CHN2: variants seen among roughly 807,000 people sequenced by gnomAD.
CHN2 encodes beta-chimaerin.
In CHN2, 35 loss-of-function variants were observed where a neutral mutation model predicts 56.3. The ratio of observed to expected loss-of-function variants is 0.62; its 90% CI spans 0.47 to 0.82. The LOEUF is 0.82. Ranked by LOEUF, CHN2 falls within the 40% of genes least tolerant of loss-of-function variation. The pLI is 0.00. For missense variants in CHN2, 491 were observed against 580.5 expected (o/e 0.85, Z 1.58); for synonymous variants, 210 against 212.8 (o/e 0.99, Z 0.12).
chr7:29,153,771 T>C (rs138800252), intron 2 of CHN2, among the ~76,000 whole-genome samples: 8,906 of 152,096 alleles, frequency 0.059, 283 homozygotes, highest in Middle Eastern at 0.12. Context: ...GGTTTCACCA[T>C]GTTGGCCAGG....
chr7:29,487,908 C>G (rs765862046), intron 7 of CHN2, among the ~76,000 whole-genome samples: 1 of 152,156 alleles, frequency 6.6e-6, no homozygotes, highest in Non-Finnish European at 1.5e-5. Flanking sequence ...GGGAGCCACT[C>G]GAGGTTTTTG....
At chr7:29,190,828 T>C (rs951267377), upstream of CHN2, among the ~76,000 whole-genome samples, 8 of 152,194 alleles carry the variant, frequency 5.3e-5, no homozygotes, top group African/African-American at 1.7e-4. Flanking sequence ...AATTTGCTCA[T>C]TTACTCAATG....
chr7:29,504,792 T>G lies in CHN2; in HGVS notation c.962T>G (p.Ile321Ser). 1.2e-6 allele frequency: 2 copies of G among 1,613,408 alleles called. No homozygotes were observed. Among genetic ancestry groups the G allele is most frequent in the Non-Finnish European group, 1.7e-6 (2 of 1,179,658 alleles). ...AGAGTCTCTGGGTTCACTGAACACA[T>G]TGAAGATGTCAAAATGGCATTTGAC... ...LYRVSGFTEH[I>S]EDVKMAFDRD... Residue 321 changes from isoleucine to serine, a missense_variant, in exon 10 of 13, where the codon ATT becomes AGT. By Grantham distance (142) the Ile-to-Ser change is moderately radical. Coordinates refer to ENST00000222792, the MANE Select transcript of CHN2 (RefSeq NM_004067.4).
In CHN2 at chr7:29,494,950, T is replaced by TAAAAAAAAAAAAAAAAAAAA. The variant is rs5883217; in HGVS notation, c.655-990_655-971dup. ...TTTTTTGTTAAATAAAAGCAGTTTG[T>TAAAAAAAAAAAAAAAAAAAA]AAAAAAAAAAAAAAAAAAAAAAAAA... On this transcript the variant is annotated intron_variant, in intron 7 of 12. Transcript: ENST00000222792. Among the ~76,000 whole-genome samples the TAAAAAAAAAAAAAAAAAAAA allele has an allele frequency of 2.2e-4, 14 of 64,652 alleles. 1 individual carries two copies. Among genetic ancestry groups the TAAAAAAAAAAAAAAAAAAAA allele is most frequent in the Non-Finnish European group, 2.8e-4 (10 of 35,348 alleles). 42.4% of individuals were successfully genotyped at this position (64,652 alleles called of 152,430 possible). A position where few individuals can be genotyped will look rare whatever the true frequency, so the allele number is the denominator to read the frequency against.
intron 1 of CHN2, among the ~76,000 whole-genome samples, chr7:29,301,275 T>G (rs1793631370): frequency 6.6e-6 from 1 of 151,954 alleles, no homozygotes; most frequent in Non-Finnish European, 1.5e-5. Context: ...CCTACTTTCT[T>G]CTATAGAATG....
intron 1 of CHN2, chr7:29,198,110 G>C: frequency 4.4e-6 from 2 of 451,534 alleles, no homozygotes; most frequent in Non-Finnish European, 8.9e-6. Context: ...TTTTCTTTCT[G>C]TTCAGGTAGC....
At chr7:29,445,931 C>G (rs1783999664) in intron 6 of CHN2, among the ~76,000 whole-genome samples, 1 of 151,994 alleles carries the variant, frequency 6.6e-6, no homozygotes, top group Non-Finnish European at 1.5e-5. Context: ...AGATTCTTGC[C>G]TTACTGTGGA....
intron 1 of CHN2, among the ~76,000 whole-genome samples, chr7:29,334,139 C>T (rs1796439651): frequency 6.7e-6 from 1 of 149,974 alleles, no homozygotes; most frequent in Admixed American, 6.7e-5. Flanking sequence ...GCAACCTCTG[C>T]CTCCCGGTTC....
intron 2 of CHN2, among the ~76,000 whole-genome samples, chr7:29,151,437 G>A (rs987532721): frequency 2.0e-5 from 3 of 152,236 alleles, no homozygotes; most frequent in African/African-American, 2.4e-5. Flanking sequence ...AAAAAGCCAG[G>A]CAAATAAGAC....
intron 1 of CHN2, among the ~76,000 whole-genome samples, chr7:29,261,455 C>T (rs114686848): frequency 4.7e-4 from 71 of 152,292 alleles, no homozygotes; most frequent in African/African-American, 1.7e-3. Flanking sequence ...GGTGTTCCTT[C>T]TTAGAACCTT....
At chr7:29,352,966 C>T (rs992656137) in intron 1 of CHN2, among the ~76,000 whole-genome samples, 1 of 152,178 alleles carries the variant, frequency 6.6e-6, no homozygotes, top group South Asian at 2.1e-4. Flanking sequence ...TATTATAAGA[C>T]ACTGTTCTCT....
chr7:29,181,567 T>C (rs1008830115), intron 2 of CHN2, among the ~76,000 whole-genome samples: 1 of 152,220 alleles, frequency 6.6e-6, no homozygotes, highest in African/African-American at 2.4e-5. Flanking sequence ...AAAGGAATTT[T>C]ATATTGCCAT....
In CHN2 at chr7:29,487,299, A is replaced by C. The variant is rs927735730; in HGVS notation, c.654+6943A>C. Among the ~76,000 whole-genome samples, 13 of 152,318 alleles carry C rather than the reference A, an allele frequency of 8.5e-5. No individual in the cohort carries two copies. In the South Asian group the frequency reaches 2.3e-3, roughly 27 times the overall value. On this transcript the variant is annotated intron_variant, in intron 7 of 12. Coordinates refer to ENST00000222792, the MANE Select transcript of CHN2 (RefSeq NM_004067.4). ...AAACAAGTCTGGAAAGAAAATTCAA[A>C]ACAAAGGCAAAACTCATCACCTTAA... is the stretch of plus-strand genomic sequence containing the variant.
chr7:29,421,180 A>T (rs774458925), intron 6 of CHN2, among the ~76,000 whole-genome samples: 1 of 152,332 alleles, frequency 6.6e-6, no homozygotes, highest in South Asian at 2.1e-4. Context: ...TGTACTTTCA[A>T]TGAAGGTCAA....
intron 7 of CHN2, among the ~76,000 whole-genome samples, chr7:29,482,525 C>A (rs1446685243): frequency 6.6e-6 from 1 of 152,152 alleles, no homozygotes; most frequent in East Asian, 1.9e-4. Context: ...TAGGGACAAG[C>A]CACTGAACTG....
At chr7:29,481,851 A>G (rs1033865243) in intron 7 of CHN2, among the ~76,000 whole-genome samples, 2 of 151,932 alleles carry the variant, frequency 1.3e-5, no homozygotes, top group African/African-American at 4.8e-5. Flanking sequence ...ATTCCAATTC[A>G]TTTGGCGTTA....
chr7:29,226,743 A>T (rs779642247), intron 1 of CHN2, among the ~76,000 whole-genome samples: 7 of 152,214 alleles, frequency 4.6e-5, no homozygotes, highest in Non-Finnish European at 8.8e-5. Context: ...TTTTGCTCTT[A>T]ATGTCTTCCA....
chr7:29,476,335 G>GA (rs34314826), intron 6 of CHN2, among the ~76,000 whole-genome samples: 83,569 of 151,760 alleles, frequency 0.55, 23,384 homozygotes, highest in Non-Finnish European at 0.61. Context: ...TCAGGAGTTT[G>GA]AAACCAGCCT....
intron 1 of CHN2, among the ~76,000 whole-genome samples, chr7:29,204,885 A>G (rs1343476799): frequency 6.6e-6 from 1 of 152,250 alleles, no homozygotes; most frequent in Non-Finnish European, 1.5e-5. Context: ...AATTAATATC[A>G]GATTAAGATT....
Sources: allele counts gnomAD v4.1 joint callset (sites outside exome capture counted in the v4.1 genomes callset), GRCh38; gene constraint gnomAD v4.1.1; transcripts MANE v1.5; gene names NCBI Gene and HGNC (gene_info 2026-07-23, HGNC 2026-07-21).